The following SNX24 variants were observed in gnomAD, a reference collection of about 807,000 sequenced individuals.
SNX24 encodes sorting nexin-24.
Under a neutral mutation model 28.7 loss-of-function variants are expected in SNX24, and 22 were observed. The observed-to-expected ratio is 0.77, with a 90% CI of 0.55 to 1.10. SNX24 has a LOEUF of 1.10. Ranked by LOEUF, SNX24 falls within the 50% of genes least tolerant of loss-of-function variation. The pLI, the probability that SNX24 is intolerant of heterozygous loss-of-function variation, is 0.00. For synonymous variants in SNX24, 69 were observed against 71.5 expected, an observed-to-expected ratio of 0.96 and a Z score of 0.18; for missense variants, 221 against 201.1, an observed-to-expected ratio of 1.10 and a Z score of -0.60.
rs1757833068 is a variant in SNX24 at position 122,910,501 on chromosome 5, G to T, written c.61-26233G>T. ...TTATTATTATACTTTAAGTTTTAGG[G>T]TACATGTGCACAATGTGCAGGTTAG... On this transcript the variant is annotated intron_variant, in intron 1 of 6. Coordinates refer to ENST00000261369, the MANE Select transcript of SNX24 (RefSeq NM_014035.4). Among the ~76,000 whole-genome samples the T allele has an allele frequency of 3.3e-5, 5 of 151,664 alleles. No individual in the cohort carries two copies. In the South Asian group the frequency reaches 1.0e-3, roughly 32 times the overall value.
At chr5:122,895,403 C>T (rs757206228) in intron 1 of SNX24, among the ~76,000 whole-genome samples, 7 of 152,130 alleles carry the variant, frequency 4.6e-5, no homozygotes, top group Non-Finnish European at 1.0e-4. Context: ...CAGTGGAAAG[C>T]TCAGTGCTGT....
chr5:122,847,208 A>G (rs1192805378), intron 1 of SNX24, among the ~76,000 whole-genome samples: 2 of 152,206 alleles, frequency 1.3e-5, no homozygotes, highest in Non-Finnish European at 2.9e-5. Flanking sequence ...AGAAATAAGC[A>G]CTTTGAAATA....
intron 1 of SNX24, among the ~76,000 whole-genome samples, chr5:122,852,825 G>A (rs1370621359): frequency 6.6e-6 from 1 of 152,184 alleles, no homozygotes; most frequent in East Asian, 1.9e-4. Flanking sequence ...AGGTTAACCA[G>A]ATGGAGTTAA....
chr5:122,992,184 A>G (rs1402567462), intron 3 of SNX24, among the ~76,000 whole-genome samples: 3 of 152,176 alleles, frequency 2.0e-5, no homozygotes, highest in African/African-American at 2.4e-5. Flanking sequence ...AATTAGCTCA[A>G]TGAGTTAGTT....
chr5:122,886,672 A>G (rs1295901851), intron 1 of SNX24, among the ~76,000 whole-genome samples: 1 of 151,850 alleles, frequency 6.6e-6, no homozygotes, highest in Non-Finnish European at 1.5e-5. Flanking sequence ...TCTACTAAAA[A>G]TACAAAAATT....
chr5:123,025,515 T>C (rs1394475724), intron 5 of SNX24, among the ~76,000 whole-genome samples: 3 of 152,192 alleles, frequency 2.0e-5, no homozygotes, highest in South Asian at 2.1e-4. Flanking sequence ...CTGGTATATA[T>C]TGGTTCCATT....
chr5:122,999,469 CACACACACAT>C (rs934588782), intron 3 of SNX24, among the ~76,000 whole-genome samples: 5 of 151,558 alleles, frequency 3.3e-5, no homozygotes, highest in Non-Finnish European at 7.4e-5. Flanking sequence ...CACACACACA[CACACACACAT>C]GTATACATAA....
chr5:123,001,378 GTT>G lies in SNX24; in HGVS notation c.345-21_345-20del, dbSNP rs372646511. 8.4e-6 allele frequency: 13 copies of G among 1,550,342 alleles called. No individual in the cohort carries two copies. In the African/African-American group the frequency reaches 1.5e-4, roughly 18 times the overall value. ...TTGACTCAACATATGTGGTTTTTTT[GTT>G]TTTTTCCTTTTTCAAAACTTTTAGA... is the stretch of plus-strand genomic sequence containing the variant. On this transcript the variant is annotated intron_variant, in intron 4 of 6. Transcript: ENST00000261369.
intron 1 of SNX24, among the ~76,000 whole-genome samples, chr5:122,848,311 G>C (rs72796829): frequency 0.037 from 5,619 of 152,176 alleles, 164 homozygotes; most frequent in Admixed American, 0.054. Flanking sequence ...GCACTGGCTA[G>C]TCTCAAACTC....
intron 1 of SNX24, among the ~76,000 whole-genome samples, chr5:122,861,865 A>T (rs1755474135): frequency 6.6e-6 from 1 of 152,132 alleles, no homozygotes; most frequent in Non-Finnish European, 1.5e-5. Flanking sequence ...TATAAACTGT[A>T]AGCTTCTCTC....
rs1756074656 is a variant in SNX24, at chr5:122,873,442, T to G, written c.60+27749T>G. On this transcript the variant is annotated intron_variant, in intron 1 of 6. Coordinates refer to ENST00000261369, the MANE Select transcript of SNX24 (RefSeq NM_014035.4). ...TTGGAAATTTAGCTCAGAGTTTATG[T>G]GATTTGCTGTGAGCATGTTTGCATG... 2.0e-5 allele frequency among the ~76,000 whole-genome samples: 3 copies of G among 152,036 alleles called. No homozygotes were observed. In the South Asian group the frequency reaches 6.2e-4, roughly 32 times the overall value.
At chr5:122,992,058 A>G (rs1761877091) in intron 3 of SNX24, among the ~76,000 whole-genome samples, 1 of 152,224 alleles carries the variant, frequency 6.6e-6, no homozygotes, top group Non-Finnish European at 1.5e-5. Flanking sequence ...GCATGCAGTA[A>G]ATGTCAGTAA....
chr5:122,961,224 C>T (rs1310304924), intron 3 of SNX24, among the ~76,000 whole-genome samples: 1 of 152,164 alleles, frequency 6.6e-6, no homozygotes, highest in Non-Finnish European at 1.5e-5. Flanking sequence ...ATCCTTATTG[C>T]CACCCTAACC....
intron 1 of SNX24, among the ~76,000 whole-genome samples, chr5:122,912,127 G>T (rs1482420300): frequency 7.3e-6 from 1 of 136,600 alleles, no homozygotes; most frequent in African/African-American, 2.9e-5. Flanking sequence ...CCATTTGTTT[G>T]TATCCTCTTT....
chr5:122,944,729 T>C (rs1386628206), intron 2 of SNX24, among the ~76,000 whole-genome samples: 1 of 152,184 alleles, frequency 6.6e-6, no homozygotes, highest in African/African-American at 2.4e-5. Context: ...GGCCCCTTCT[T>C]CGTGATGTAC....
At chr5:122,992,620 A>AT (rs1761901920) in intron 3 of SNX24, among the ~76,000 whole-genome samples, 1 of 152,190 alleles carries the variant, frequency 6.6e-6, no homozygotes, top group Admixed American at 6.5e-5. Context: ...CTACAGGTTA[A>AT]TAGGGGTGCT....
chr5:122,969,372 T>C (rs1435578142), intron 3 of SNX24, among the ~76,000 whole-genome samples: 4 of 152,176 alleles, frequency 2.6e-5, no homozygotes, highest in South Asian at 2.1e-4. Flanking sequence ...TCTAACACTT[T>C]CTAAAACATT....
intron 1 of SNX24, among the ~76,000 whole-genome samples, chr5:122,933,821 CTT>C (rs1561618944): frequency 6.6e-6 from 1 of 150,732 alleles, no homozygotes; most frequent in Non-Finnish European, 1.5e-5. Flanking sequence ...ACATTCAACT[CTT>C]TTTTTCTTTT....
At chr5:123,024,171 A>C (rs1762816086) in intron 5 of SNX24, among the ~76,000 whole-genome samples, 1 of 151,960 alleles carries the variant, frequency 6.6e-6, no homozygotes, top group African/African-American at 2.4e-5. Context: ...TAACTGTGGA[A>C]AACTTAGAAT....
Sources: gnomAD v4.1 joint callset for allele counts (sites outside exome capture counted in the v4.1 genomes callset) on GRCh38, gnomAD v4.1.1 for gene constraint, MANE v1.5 for transcripts, NCBI Gene and HGNC (gene_info 2026-07-23, HGNC 2026-07-21) for gene names.